DHX9: variants seen among roughly 807,000 people sequenced by gnomAD.
DHX9 encodes the protein DExH-box helicase 9.
DHX9 carries 27 observed loss-of-function variants against 148.7 expected under a neutral mutation model. The ratio of observed to expected loss-of-function variants is 0.18; its 90% CI spans 0.13 to 0.25. The LOEUF is 0.25. DHX9 is among the 10% of genes least tolerant of loss of function. The pLI, the probability that DHX9 is intolerant of heterozygous loss-of-function variation, is 1.00. For missense variants in DHX9, 796 were observed against 1,559.6 expected (o/e 0.51, Z 8.25); for synonymous variants, 529 against 516.6 (o/e 1.02, Z -0.33).
rs144302494 is a variant in DHX9 at position 182,843,495 on chromosome 1, C to T, written c.252+61C>T. ...TGTAAAGTTGTACAAACTCAATATG[C>T]GTAAGAGACTCAAGATAGTAATTTT... On this transcript the variant is annotated intron_variant, in intron 3 of 27. Coordinates refer to ENST00000367549, the MANE Select transcript of DHX9 (RefSeq NM_001357.5). 72 of 1,361,208 alleles carry T rather than the reference C, an allele frequency of 5.3e-5. No individual in the cohort carries two copies. In the East Asian group the frequency reaches 1.6e-3, roughly 31 times the overall value. The allele number at this position is 1,361,208 out of a possible 1,614,324, so 84.3% of individuals were successfully genotyped here. A position where few individuals can be genotyped will look rare whatever the true frequency, so the allele number is the denominator to read the frequency against.
chr1:182,855,390 G>A (rs1257429772), intron 6 of DHX9, among the ~76,000 whole-genome samples: 1 of 152,150 alleles, frequency 6.6e-6, no homozygotes, highest in Non-Finnish European at 1.5e-5. Flanking sequence ...AAGACAATGT[G>A]GGAGGCACAG....
chr1:182,858,293 T>C (rs889612161), intron 8 of DHX9, 53 bp downstream of exon 8: 4 of 1,575,646 alleles, frequency 2.5e-6, no homozygotes, highest in Non-Finnish European at 3.5e-6. Flanking sequence ...TCAATTTAGC[T>C]CTTGTTTAGT....
chr1:182,849,783 G>C (rs1344959458), intron 3 of DHX9, among the ~76,000 whole-genome samples: 2 of 151,754 alleles, frequency 1.3e-5, no homozygotes, highest in Non-Finnish European at 2.9e-5. Flanking sequence ...TCTCTGTACT[G>C]CCTCTACATA....
chr1:182,872,563 T>C, intron 15 of DHX9, 70 bp downstream of exon 15: 1 of 1,468,832 alleles, frequency 6.8e-7, no homozygotes, highest in Non-Finnish European at 9.2e-7. Context: ...ATCCTGGAGA[T>C]TGGAGTTACA....
chr1:182,876,265 TA>T lies in DHX9; in HGVS notation c.2029+3del. ...ATTTGGAAATGAATCCACATTTTGGTATGAGTCTTTGAATTCTCACATATTT... is the reference window on the plus strand; with the variant it reads ...ATTTGGAAATGAATCCACATTTTGGTTGAGTCTTTGAATTCTCACATATTT... On this transcript the variant is annotated splice_donor_region_variant and intron_variant, in intron 17 of 27. Transcript: ENST00000367549. 6.2e-7 allele frequency: 1 copy of T among 1,613,222 alleles called. No individual in the cohort carries two copies. Among genetic ancestry groups the T allele is most frequent in the Non-Finnish European group, 8.5e-7 (1 of 1,179,540 alleles).
At position 182,881,336 on chromosome 1, in the gene DHX9, G is replaced by T. The variant is rs1049266; in HGVS notation, c.2697G>T (p.Arg899=). Residue 899 remains arginine (R), a synonymous_variant, in exon 23 of 28, where the codon CGG becomes CGT. Transcript: ENST00000367549. ...AGCCTTTCATCAATGAAGGAAAGCG[G>T]CTGGGCTATATCCATCGAAATTTTG... ...FPEPFINEGK[R]LGYIHRNFAG... is the part of the protein sequence containing the mutation. 1 of 1,614,156 alleles carries T rather than the reference G, an allele frequency of 6.2e-7. No homozygotes were observed. The highest frequency in any genetic ancestry group is 8.5e-7 in the Non-Finnish European group (1 of 1,180,018).
rs1649387179 is a variant in DHX9 at position 182,887,461 on chromosome 1, T to G, written c.*27T>G. The G allele has an allele frequency of 6.3e-7, 1 of 1,583,968 alleles. No individual in the cohort carries two copies. On this transcript the variant is annotated 3_prime_UTR_variant, in exon 28 of 28. Transcript: ENST00000367549. ...ACTTGGTTATGTCAGTTCCTGTGTG[T>G]AGACAGTAAGGAAAAAAAGGCATGC...
intron 15 of DHX9, among the ~76,000 whole-genome samples, chr1:182,873,623 T>C (rs1405228948): frequency 6.6e-6 from 1 of 152,210 alleles, no homozygotes. Flanking sequence ...AACGTGTGTT[T>C]AGCTAAATGG....
At chr1:182,877,028 G>GC in intron 19 of DHX9, 125 bp downstream of exon 19, 6 of 624,868 alleles carry the variant, frequency 9.6e-6, no homozygotes, top group Non-Finnish European at 1.7e-5. Context: ...AAATTATTGT[G>GC]CATCTATATA....
chr1:182,858,768 T>C lies in DHX9; in HGVS notation c.936T>C (p.Ile312=). The change falls in exon 10 of 28, where the codon ATT becomes ATC. Residue 312 remains isoleucine, a synonymous_variant. Transcript: ENST00000367549. The part of the protein sequence containing the change: ...EDPSVPVALN[I]GKLAQFEPSQ... ...CTTCTGTGCCAGTTGCACTCAACATTGGCAAATTGGCTCAGTTCGAACCAT... is the reference window on the plus strand; with the variant it reads ...CTTCTGTGCCAGTTGCACTCAACATCGGCAAATTGGCTCAGTTCGAACCAT... 6.2e-7 allele frequency: 1 copy of C among 1,614,222 alleles called. No individual in the cohort carries two copies. Among genetic ancestry groups the C allele is most frequent in the South Asian group, 1.1e-5 (1 of 91,088 alleles).
intron 21 of DHX9, among the ~76,000 whole-genome samples, chr1:182,879,673 A>G (rs891052912): frequency 6.6e-6 from 1 of 152,226 alleles, no homozygotes; most frequent in African/African-American, 2.4e-5. Flanking sequence ...TGTACTAAAG[A>G]TCAGAACATA....
At chr1:182,857,886 A>G (rs1359585246) in intron 7 of DHX9, among the ~76,000 whole-genome samples, 1 of 152,244 alleles carries the variant, frequency 6.6e-6, no homozygotes, top group African/African-American at 2.4e-5. Flanking sequence ...GAGTCCTAGT[A>G]TCAGCCAGTA....
intron 6 of DHX9, chr1:182,855,466 G>A: frequency 1.3e-6 from 1 of 779,156 alleles, no homozygotes; most frequent in Non-Finnish European, 1.6e-6. Flanking sequence ...ATAACAGACA[G>A]CAACACCAGA....
rs1284149226 is a variant in DHX9, at chr1:182,883,139, A to G, written c.2915A>G (p.Asp972Gly). ...EILINSGFPEDCLLTQVFTNT... is the reference protein window; with the variant it reads ...EILINSGFPEGCLLTQVFTNT... ...GTTTTCACTGTGCTCCTCTTAACAGATTGTTTGTTGACACAAGTGTTTACT... is the reference window on the plus strand; with the variant it reads ...GTTTTCACTGTGCTCCTCTTAACAGGTTGTTTGTTGACACAAGTGTTTACT... Residue 972 changes from aspartate to glycine, a missense_variant and splice_region_variant, in exon 25 of 28, where the codon GAT becomes GGT. By Grantham distance (94) the Asp-to-Gly change is moderately conservative. Around this residue, in one of 14 missense-constraint regions of DHX9, gnomAD observed 122 missense variants for 289.3 expected, o/e 0.42. Coordinates refer to ENST00000367549, the MANE Select transcript of DHX9 (RefSeq NM_001357.5). 2 of 1,611,926 alleles carry G rather than the reference A, an allele frequency of 1.2e-6. No individual in the cohort carries two copies. The highest frequency in any genetic ancestry group is 1.1e-5 in the South Asian group (1 of 91,026).
In DHX9 at chr1:182,852,344, G is replaced by C. The variant is rs747924941; in HGVS notation, c.364G>C (p.Glu122Gln). Reference protein sequence around the residue: ...PLPPHLALKAENNSEVGASGY... With the variant: ...PLPPHLALKAQNNSEVGASGY... ...TCCTCCACATCTGGCTCTCAAAGCA[G>C]GTAAGGGACTTGAATCCATGCACGT... is the stretch of plus-strand genomic sequence containing the variant. The change falls in exon 4 of 28, where the codon GAA becomes CAA. Residue 122 changes from glutamate to glutamine, a missense_variant and splice_region_variant. Glu to Gln is a conservative substitution (Grantham distance 29). Around this residue, in one of 14 missense-constraint regions of DHX9, gnomAD observed 89 missense variants for 77.5 expected, o/e 1.15. Transcript: ENST00000367549. 5.6e-6 allele frequency: 9 copies of C among 1,599,778 alleles called. No homozygotes were observed. Among genetic ancestry groups the C allele is most frequent in the Non-Finnish European group, 7.7e-6 (9 of 1,171,056 alleles).
chr1:182,875,768 A>G (rs142002171), intron 16 of DHX9, among the ~76,000 whole-genome samples: 2 of 152,342 alleles, frequency 1.3e-5, no homozygotes, highest in East Asian at 3.9e-4. Flanking sequence ...ATACAAAGAA[A>G]TATACTCAGA....
chr1:182,864,057 T>C (rs1648167047), intron 12 of DHX9, among the ~76,000 whole-genome samples: 3 of 152,124 alleles, frequency 2.0e-5, no homozygotes, highest in Admixed American at 6.5e-5. Flanking sequence ...CCAGGTACTT[T>C]GGAGGCTGAG....
At chr1:182,841,400 G>A (rs920209724) in intron 1 of DHX9, among the ~76,000 whole-genome samples, 1 of 152,224 alleles carries the variant, frequency 6.6e-6, no homozygotes, top group African/African-American at 2.4e-5. Context: ...GGAGACAGGA[G>A]TTTGATAGTA....
At chr1:182,865,943 T>C (rs1006928431) in intron 12 of DHX9, among the ~76,000 whole-genome samples, 7 of 152,248 alleles carry the variant, frequency 4.6e-5, no homozygotes, top group East Asian at 3.8e-4. Flanking sequence ...TTTCCTGCTA[T>C]GTGAGCTCAT....
Sources: allele counts gnomAD v4.1 joint callset (sites outside exome capture counted in the v4.1 genomes callset), GRCh38; gene constraint gnomAD v4.1.1; regional missense constraint gnomAD v4.1.1; transcripts MANE v1.5; gene names NCBI Gene and HGNC (gene_info 2026-07-23, HGNC 2026-07-21).